GRIK2: variants seen among roughly 807,000 people sequenced by gnomAD.
The protein encoded by GRIK2 is glutamate receptor ionotropic, kainate 2.
In GRIK2, 32 loss-of-function variants were observed where a neutral mutation model predicts 100.3. That is an observed-to-expected ratio of 0.32 (90% CI 0.24 to 0.43). GRIK2 has a LOEUF of 0.43. GRIK2 is among the 20% of genes least tolerant of loss of function. GRIK2 has a pLI of 1.00. For missense variants in GRIK2, 843 were observed against 1,114.9 expected (o/e 0.76, Z 3.47); for synonymous variants, 417 against 389.4 (o/e 1.07, Z -0.83).
chr6:101,586,451 G>A (rs1040066032), intron 2 of GRIK2, among the ~76,000 whole-genome samples: 1 of 151,932 alleles, frequency 6.6e-6, no homozygotes, highest in Non-Finnish European at 1.5e-5. Flanking sequence ...CATCTGGAAG[G>A]GCCAAATCCA....
intron 2 of GRIK2, among the ~76,000 whole-genome samples, chr6:101,526,647 T>C (rs368755913): frequency 2.6e-5 from 4 of 152,136 alleles, no homozygotes; most frequent in East Asian, 3.9e-4. Flanking sequence ...GTGGTAGAGC[T>C]TAATGCTGCC....
At chr6:102,019,619 A>T (rs1333169228) in intron 14 of GRIK2, among the ~76,000 whole-genome samples, 1 of 152,042 alleles carries the variant, frequency 6.6e-6, no homozygotes, top group African/African-American at 2.4e-5. Flanking sequence ...GTCAATCTAT[A>T]CATGAGATTT....
chr6:102,009,777 T>G (rs944187152), intron 14 of GRIK2, among the ~76,000 whole-genome samples: 1 of 152,160 alleles, frequency 6.6e-6, no homozygotes. Context: ...ATGGACACAC[T>G]CAACAACTAT....
chr6:101,777,653 A>C (rs1171614646), intron 7 of GRIK2, among the ~76,000 whole-genome samples: 1 of 152,196 alleles, frequency 6.6e-6, no homozygotes, highest in African/African-American at 2.4e-5. Context: ...CAGAATTCAT[A>C]AACTTCTATT....
chr6:101,868,303 A>G (rs1287296987), intron 11 of GRIK2, among the ~76,000 whole-genome samples: 2 of 151,782 alleles, frequency 1.3e-5, no homozygotes, highest in African/African-American at 4.8e-5. Flanking sequence ...AACAAAATGT[A>G]TGTAAAAATG....
chr6:101,595,480 G>C (rs1202872336), intron 2 of GRIK2, among the ~76,000 whole-genome samples: 1 of 151,550 alleles, frequency 6.6e-6, no homozygotes, highest in Non-Finnish European at 1.5e-5. Flanking sequence ...ATAGATTGCT[G>C]ACATTCCAGC....
chr6:101,449,755 T>C (rs1387164469), intron 2 of GRIK2, among the ~76,000 whole-genome samples: 1 of 151,812 alleles, frequency 6.6e-6, no homozygotes, highest in African/African-American at 2.4e-5. Flanking sequence ...GTGTTGATGG[T>C]AGAATACTTT....
intron 2 of GRIK2, among the ~76,000 whole-genome samples, chr6:101,464,815 C>T (rs1417422168): frequency 2.6e-5 from 4 of 152,076 alleles, no homozygotes; most frequent in Admixed American, 6.5e-5. Flanking sequence ...CCACCGTGCC[C>T]GGCCCCAAAC....
chr6:102,041,314 A>G (rs1221216762), intron 15 of GRIK2, among the ~76,000 whole-genome samples: 2 of 151,702 alleles, frequency 1.3e-5, no homozygotes, highest in Non-Finnish European at 3.0e-5. Context: ...TGGATCATTT[A>G]ATTCATTTAC....
At chr6:101,600,903 C>A (rs1384368829) in intron 2 of GRIK2, among the ~76,000 whole-genome samples, 5 of 151,548 alleles carry the variant, frequency 3.3e-5, no homozygotes, top group Non-Finnish European at 5.9e-5. Context: ...TTTTTTATTT[C>A]TCTTTCCTGA....
At chr6:101,529,982 T>G (rs9498608) in intron 2 of GRIK2, among the ~76,000 whole-genome samples, 1 of 152,152 alleles carries the variant, frequency 6.6e-6, no homozygotes, top group East Asian at 1.9e-4. Context: ...TTAAAAAATA[T>G]GTAACAGCCA....
chr6:101,549,275 G>GAAAAA (rs34763570), intron 2 of GRIK2, among the ~76,000 whole-genome samples: 15 of 136,334 alleles, frequency 1.1e-4, no homozygotes, highest in South Asian at 2.4e-4. Context: ...GTGATGAACT[G>GAAAAA]AAAAAAAAAA....
chr6:102,019,240 G>T (rs1178268957), intron 14 of GRIK2, among the ~76,000 whole-genome samples: 1 of 151,936 alleles, frequency 6.6e-6, no homozygotes, highest in East Asian at 1.9e-4. Context: ...TCTTAACATG[G>T]TATCTTTTAG....
intron 10 of GRIK2, among the ~76,000 whole-genome samples, chr6:101,837,925 G>A (rs1783240088): frequency 6.6e-6 from 1 of 152,046 alleles, no homozygotes; most frequent in Non-Finnish European, 1.5e-5. Context: ...ATGGGGTTCA[G>A]GACATGCTAC....
intron 4 of GRIK2, among the ~76,000 whole-genome samples, chr6:101,672,876 G>A (rs1303450795): frequency 2.6e-5 from 4 of 152,046 alleles, no homozygotes; most frequent in African/African-American, 7.2e-5. Context: ...ATAGTGCTGC[G>A]ATGAACATAC....
intron 4 of GRIK2, among the ~76,000 whole-genome samples, chr6:101,649,649 A>G (rs952639773): frequency 1.3e-5 from 2 of 152,090 alleles, no homozygotes; most frequent in Non-Finnish European, 2.9e-5. Context: ...AACTCTGGAT[A>G]CCCTCCTTAT....
chr6:101,455,708 G>A (rs1770967424), intron 2 of GRIK2, among the ~76,000 whole-genome samples: 1 of 151,982 alleles, frequency 6.6e-6, no homozygotes, highest in Admixed American at 6.6e-5. Flanking sequence ...GGTTTGATTT[G>A]GGAAACATCA....
chr6:101,517,908 G>A (rs1774667175), intron 2 of GRIK2, among the ~76,000 whole-genome samples: 1 of 151,848 alleles, frequency 6.6e-6, no homozygotes, highest in Non-Finnish European at 1.5e-5. Context: ...GGTAGTCATA[G>A]CACATACTAA....
At chr6:101,779,867 A>ATCTC (rs199696205) in intron 7 of GRIK2, among the ~76,000 whole-genome samples, 25 of 151,018 alleles carry the variant, frequency 1.7e-4, no homozygotes, top group African/African-American at 3.9e-4. Flanking sequence ...GGAGAGATAA[A>ATCTC]TCTCTCTCTC....
Sources: allele counts gnomAD v4.1 joint callset (sites outside exome capture counted in the v4.1 genomes callset), GRCh38; gene constraint gnomAD v4.1.1; transcripts MANE v1.5; gene names NCBI Gene and HGNC (gene_info 2026-07-23, HGNC 2026-07-21).